NIBAN2: variants seen among roughly 807,000 people sequenced by gnomAD.
NIBAN2 encodes the protein niban apoptosis regulator 2, also known as protein Niban 2.
Under a neutral mutation model 81.8 loss-of-function variants are expected in NIBAN2, and 36 were observed. The observed-to-expected ratio is 0.44, with a 90% CI of 0.34 to 0.58. The LOEUF (loss-of-function observed/expected upper bound fraction) is 0.58. NIBAN2 is among the 20% of genes least tolerant of loss of function. The pLI is 0.02. For synonymous variants in NIBAN2, 445 were observed against 441.6 expected (o/e 1.01, Z -0.10); for missense variants, 897 against 1,014.1 (o/e 0.88, Z 1.57).
At chr9:127,516,157 G>GA (rs1212068039) in intron 8 of NIBAN2, among the ~76,000 whole-genome samples, 3 of 150,566 alleles carry the variant, frequency 2.0e-5, no homozygotes, top group African/African-American at 7.3e-5. Flanking sequence ...AAAATAAAAA[G>GA]AACGTCCCAT....
At chr9:127,542,863 C>T (rs1837406584) in intron 1 of NIBAN2, among the ~76,000 whole-genome samples, 1 of 152,252 alleles carries the variant, frequency 6.6e-6, no homozygotes, top group African/African-American at 2.4e-5. Flanking sequence ...GCTGGGATTA[C>T]AGGCACCCAC....
rs117083399 is a variant in NIBAN2, at chr9:127,511,960, T to C, written c.974-1627A>G. Among the ~76,000 whole-genome samples, 335 of 152,210 alleles carry C rather than the reference T, an allele frequency of 2.2e-3. 3 individuals carry two copies. The East Asian group carries it at 0.042, about 19-fold the overall frequency. ...AGAAAATAACAAATGCTAGCGAGGA[T>C]GTGGAGAAAAGGGAACCTCCGTACA... On this transcript the variant is annotated intron_variant, in intron 8 of 13. Coordinates refer to ENST00000373312, the MANE Select transcript of NIBAN2 (RefSeq NM_022833.4).
At chr9:127,538,338 T>C (rs770781102) in intron 1 of NIBAN2, among the ~76,000 whole-genome samples, 1 of 152,160 alleles carries the variant, frequency 6.6e-6, no homozygotes, top group African/African-American at 2.4e-5. Flanking sequence ...ACTTACTGCA[T>C]GCTCCACAGC....
chr9:127,579,030 G>T, upstream of NIBAN2: 1 of 1,161,616 alleles, frequency 8.6e-7, no homozygotes, highest in Non-Finnish European at 1.3e-6. Context: ...TGCTGAGCCA[G>T]TGCCGGACAG....
chr9:127,507,390 G>T lies in NIBAN2; in HGVS notation c.1696C>A (p.Arg566=), dbSNP rs754978264. The T allele has an allele frequency of 5.9e-6, 9 of 1,520,036 alleles. No homozygotes were observed. The highest frequency in any genetic ancestry group is 7.1e-6 in the Non-Finnish European group (8 of 1,134,090). 94.2% of individuals were successfully genotyped at this position (1,520,036 alleles called of 1,614,324 possible). ...CTGTTGTGCATGACCATGCTGTCCCGGTAGAGGTTGTGCTTCCTCTGCACC... is the reference window on the plus strand; with the variant it reads ...CTGTTGTGCATGACCATGCTGTCCCTGTAGAGGTTGTGCTTCCTCTGCACC... ...AAVQRKHNLY[R]DSMVMHNSDP... The change falls in exon 14 of 14, where the codon CGG becomes AGG. Residue 566 remains arginine, a synonymous_variant. Coordinates refer to ENST00000373312, the MANE Select transcript of NIBAN2 (RefSeq NM_022833.4). This position sits in a 1 kb window ranked among gnomAD's most constrained non-coding sequence, Gnocchi z 6.8.
Position 127,517,980 on chromosome 9 carries a change from G to A in NIBAN2, c.590-39C>T. ...GGAGGGAGAGAGGAGGTCAGCAGAT[G>A]GCCCAGTGGCCTCTACCAAGACCAA... On this transcript the variant is annotated intron_variant, in intron 5 of 13. Coordinates refer to ENST00000373312, the MANE Select transcript of NIBAN2 (RefSeq NM_022833.4). This position sits in a 1 kb window ranked among gnomAD's most constrained non-coding sequence, Gnocchi z 4.0. 2.2e-6 allele frequency: 3 copies of A among 1,375,556 alleles called. No homozygotes were observed. Among genetic ancestry groups the A allele is most frequent in the Admixed American group, 2.1e-5 (1 of 48,080 alleles). 85.2% of individuals were successfully genotyped at this position (1,375,556 alleles called of 1,614,324 possible). A position where few individuals can be genotyped will look rare whatever the true frequency, so the allele number is the denominator to read the frequency against.
intron 4 of NIBAN2, 172 bp downstream of exon 4, chr9:127,524,886 G>A (rs1564302325): frequency 1.7e-6 from 1 of 576,414 alleles, no homozygotes; most frequent in Non-Finnish European, 3.1e-6. Context: ...AGGCTCTCAA[G>A]GACTTAGGGA....
At position 127,516,977 on chromosome 9, in the gene NIBAN2, C is replaced by A; in HGVS notation, c.853G>T (p.Ala285Ser). ...TTGGACAGCACCTCCTCGAAGCGCG[C>A]CTTGGCCTGCTCGTACACCATGTGG... ...VYHMVYEQAK[A>S]RFEEVLSKVQ... The change falls in exon 8 of 14, where the codon GCG becomes TCG. Residue 285 changes from alanine to serine, a missense_variant. Ala to Ser is a moderately conservative substitution (Grantham distance 99). Around this residue, in one of 3 missense-constraint regions of NIBAN2, gnomAD observed 619 missense variants for 691.0 expected, o/e 0.90. Transcript: ENST00000373312. The A allele has an allele frequency of 6.2e-7, 1 of 1,614,094 alleles. No homozygotes were observed. Among genetic ancestry groups the A allele is most frequent in the Non-Finnish European group, 8.5e-7 (1 of 1,180,010 alleles).
chr9:127,568,893 C>G lies in NIBAN2; in HGVS notation c.-19G>C. On this transcript the variant is annotated 5_prime_UTR_variant, in exon 1 of 14. Coordinates refer to ENST00000373312, the MANE Select transcript of NIBAN2 (RefSeq NM_022833.4). ...CCCCCATGGCCAGGAGGTGTCGCGG[C>G]CCGATCCGGCCGACGCCGCCGCTGT... The G allele has an allele frequency of 7.8e-7, 1 of 1,281,274 alleles. No homozygotes were observed. The highest frequency in any genetic ancestry group is 2.3e-5 in the South Asian group (1 of 44,392). 79.4% of individuals were successfully genotyped at this position (1,281,274 alleles called of 1,614,324 possible). A position where few individuals can be genotyped will look rare whatever the true frequency, so the allele number is the denominator to read the frequency against.
At chr9:127,554,548 C>CTTTCTTTTTTTTTT (rs1837632346) in intron 1 of NIBAN2, among the ~76,000 whole-genome samples, 5 of 103,702 alleles carry the variant, frequency 4.8e-5, no homozygotes, top group African/African-American at 7.4e-5. Context: ...TTTTCTTTTT[C>CTTTCTTTTTTTTTT]TTTTTTTTTT....
At chr9:127,531,347 G>C (rs1259599894) in intron 2 of NIBAN2, among the ~76,000 whole-genome samples, 1 of 152,106 alleles carries the variant, frequency 6.6e-6, no homozygotes, top group Non-Finnish European at 1.5e-5. Context: ...AGCCGGGCAT[G>C]GTGGTGCACG....
chr9:127,515,912 T>G (rs1215713115), intron 8 of NIBAN2, among the ~76,000 whole-genome samples: 1 of 151,562 alleles, frequency 6.6e-6, no homozygotes, highest in Non-Finnish European at 1.5e-5. Context: ...CCAAGGTGGG[T>G]GGATTGCTTG....
chr9:127,521,590 A>G (rs1426213092), intron 5 of NIBAN2, among the ~76,000 whole-genome samples: 1 of 139,524 alleles, frequency 7.2e-6, no homozygotes, highest in African/African-American at 2.7e-5. Context: ...GAGCAATTCC[A>G]GGCTTCACAA....
intron 1 of NIBAN2, among the ~76,000 whole-genome samples, chr9:127,558,740 A>C (rs1018292130): frequency 9.9e-5 from 15 of 152,090 alleles, no homozygotes; most frequent in Non-Finnish European, 1.9e-4. Context: ...AAAAAGCAAA[A>C]CAGAAGTGCA....
At chr9:127,522,717 C>T (rs764551878) in intron 5 of NIBAN2, among the ~76,000 whole-genome samples, 33 of 151,982 alleles carry the variant, frequency 2.2e-4, no homozygotes, top group Non-Finnish European at 4.4e-4. Flanking sequence ...CCTCCCCTCT[C>T]CTCTATGCAG....
chr9:127,548,499 C>T (rs1837515340), intron 1 of NIBAN2, among the ~76,000 whole-genome samples: 1 of 152,186 alleles, frequency 6.6e-6, no homozygotes, highest in African/African-American at 2.4e-5. Flanking sequence ...GACTCTGCTT[C>T]CTGTAGGCAG....
intron 1 of NIBAN2, among the ~76,000 whole-genome samples, chr9:127,540,285 G>A (rs368305077): frequency 6.6e-6 from 1 of 152,216 alleles, no homozygotes; most frequent in African/African-American, 2.4e-5. Context: ...GGGAGCTGGG[G>A]GATGGGGTAC....
chr9:127,551,348 C>A (rs1837571814), intron 1 of NIBAN2, among the ~76,000 whole-genome samples: 1 of 151,826 alleles, frequency 6.6e-6, no homozygotes, highest in Non-Finnish European at 1.5e-5. Context: ...CACGGTGAAA[C>A]CCCGTCTCTA....
At chr9:127,564,211 T>C (rs1837819895) in intron 1 of NIBAN2, among the ~76,000 whole-genome samples, 1 of 151,208 alleles carries the variant, frequency 6.6e-6, no homozygotes, top group Non-Finnish European at 1.5e-5. Context: ...GAGAATTGCT[T>C]GAACCCAGGA....
Sources: allele counts gnomAD v4.1 joint callset (sites outside exome capture counted in the v4.1 genomes callset), GRCh38; gene constraint gnomAD v4.1.1; regional missense constraint gnomAD v4.1.1; non-coding constraint Gnocchi (gnomAD v3.1); transcripts MANE v1.5; gene names NCBI Gene and HGNC (gene_info 2026-07-23, HGNC 2026-07-21).